Variants in PHF24 observed in about 807,000 individuals in gnomAD.
The protein encoded by PHF24 is Galpha inhibitory interacting protein.
Under a neutral mutation model 42.6 loss-of-function variants are expected in PHF24, and 25 were observed. The observed-to-expected ratio is 0.59, with a 90% CI of 0.43 to 0.82. PHF24 has a LOEUF of 0.82. Among genes scored for constraint, PHF24 ranks in the 40% least tolerant of loss-of-function variants. The probability of loss-of-function intolerance (pLI) is 0.00; values close to 1 mark genes in which losing one functional copy is unlikely to be tolerated. For missense variants in PHF24, 470 were observed against 538.1 expected, an observed-to-expected ratio of 0.87 and a Z score of 1.25; for synonymous variants, 185 against 204.8, an observed-to-expected ratio of 0.90 and a Z score of 0.83.
At chr9:34,687,762 C>T in the PHF24 span, among the ~76,000 whole-genome samples, 2 of 152,210 alleles carry the variant, frequency 1.3e-5, no homozygotes, top group Admixed American at 6.5e-5. Context: ...AGGCAATGTG[C>T]TCCCCTCCCA....
chr9:34,852,373 T>TG, the PHF24 span, among the ~76,000 whole-genome samples: 34 of 152,336 alleles, frequency 2.2e-4, 1 homozygote, highest in South Asian at 3.7e-3. Context: ...ATTGTTCAAA[T>TG]GTCAACTGCA....
the PHF24 span, among the ~76,000 whole-genome samples, chr9:34,800,789 A>C: frequency 6.6e-6 from 1 of 152,250 alleles, no homozygotes; most frequent in Non-Finnish European, 1.5e-5. Flanking sequence ...CACCAAAAGC[A>C]ATTGCAACAA....
chr9:34,911,547 C>T, the PHF24 span, among the ~76,000 whole-genome samples: 5 of 152,318 alleles, frequency 3.3e-5, no homozygotes, highest in Admixed American at 1.3e-4. Flanking sequence ...CCACCGCGCC[C>T]GGCCTATGGG....
chr9:34,750,600 T>C, the PHF24 span, among the ~76,000 whole-genome samples: 3 of 152,094 alleles, frequency 2.0e-5, no homozygotes, highest in African/African-American at 7.2e-5. Flanking sequence ...GCATGTTTAT[T>C]AGTTTATTTA....
At chr9:34,691,049 GC>G in the PHF24 span, 24 of 1,539,874 alleles carry the variant, frequency 1.6e-5, no homozygotes, top group Admixed American at 7.5e-5. Context: ...CCCACTGCCA[GC>G]CCCCCACTGC....
chr9:34,962,840 A>AT (rs1416660665), intron 1 of PHF24, among the ~76,000 whole-genome samples: 1 of 152,246 alleles, frequency 6.6e-6, no homozygotes, highest in Non-Finnish European at 1.5e-5. Context: ...AGCTCATGCC[A>AT]TAATTTTGCT....
At chr9:34,948,300 G>T in the PHF24 span, among the ~76,000 whole-genome samples, 1 of 151,748 alleles carries the variant, frequency 6.6e-6, no homozygotes, top group Non-Finnish European at 1.5e-5. Flanking sequence ...AATTTTTTTT[G>T]AAGAAAGAAA....
the PHF24 span, among the ~76,000 whole-genome samples, chr9:34,935,586 T>G: frequency 9.8e-6 from 1 of 102,266 alleles, no homozygotes; most frequent in African/African-American, 3.8e-5. Context: ...AGAGCGAGAC[T>G]TCATCTGAAA....
the PHF24 span, among the ~76,000 whole-genome samples, chr9:34,676,036 A>G: frequency 6.6e-6 from 1 of 151,984 alleles, no homozygotes; most frequent in Non-Finnish European, 1.5e-5. Flanking sequence ...GTGGTGGGAG[A>G]GGCTATATGT....
the PHF24 span, among the ~76,000 whole-genome samples, chr9:34,935,922 G>A: frequency 3.9e-5 from 6 of 152,132 alleles, no homozygotes; most frequent in African/African-American, 1.4e-4. Flanking sequence ...CAGCCCTACT[G>A]GTAAGGGATA....
chr9:34,862,943 C>G, the PHF24 span, among the ~76,000 whole-genome samples: 1 of 151,788 alleles, frequency 6.6e-6, no homozygotes, highest in Non-Finnish European at 1.5e-5. Context: ...CTAGGCCAGA[C>G]AGCATTCATC....
upstream of PHF24, among the ~76,000 whole-genome samples, chr9:34,955,718 AC>A (rs1826357499): frequency 6.6e-6 from 1 of 152,118 alleles, no homozygotes; most frequent in Non-Finnish European, 1.5e-5. Flanking sequence ...CAACCCTTTC[AC>A]CTTGTCAGAG....
the PHF24 span, among the ~76,000 whole-genome samples, chr9:34,804,258 G>A: frequency 6.6e-6 from 1 of 152,170 alleles, no homozygotes; most frequent in Non-Finnish European, 1.5e-5. Context: ...GAGTTGATGA[G>A]TAAGTTTGAG....
At chr9:34,839,832 G>T in the PHF24 span, among the ~76,000 whole-genome samples, 1 of 152,288 alleles carries the variant, frequency 6.6e-6, no homozygotes, top group African/African-American at 2.4e-5. Flanking sequence ...TATTACTGAG[G>T]TTCAGGTCTC....
the PHF24 span, among the ~76,000 whole-genome samples, chr9:34,873,833 A>G: frequency 6.6e-6 from 1 of 151,410 alleles, no homozygotes; most frequent in Admixed American, 6.6e-5. Flanking sequence ...CTTCCTACCC[A>G]TGAGCATGGA....
At chr9:34,794,232 G>A in the PHF24 span, among the ~76,000 whole-genome samples, 2 of 152,066 alleles carry the variant, frequency 1.3e-5, no homozygotes, top group African/African-American at 2.4e-5. Flanking sequence ...AAGAAAAATC[G>A]GAGTAGCACT....
At chr9:34,971,225 G>T in intron 1 of PHF24, 70 bp from the exon 2 acceptor site, 1 of 1,519,262 alleles carries the variant, frequency 6.6e-7, no homozygotes, top group Non-Finnish European at 8.9e-7. Context: ...TTGCCACTTA[G>T]GTTGAAACTG....
At chr9:34,829,766 G>A in the PHF24 span, among the ~76,000 whole-genome samples, 1,690 of 152,288 alleles carry the variant, frequency 0.011, 22 homozygotes, top group Middle Eastern at 0.017. Context: ...GAACTACAAG[G>A]AGAGTCAGTA....
At chr9:34,879,727 G>A in the PHF24 span, among the ~76,000 whole-genome samples, 4 of 152,196 alleles carry the variant, frequency 2.6e-5, no homozygotes, top group Non-Finnish European at 5.9e-5. Flanking sequence ...TGTCTGACTG[G>A]TGTACCTGAA....
Sources: allele counts gnomAD v4.1 joint callset (sites outside exome capture counted in the v4.1 genomes callset), GRCh38; gene constraint gnomAD v4.1.1; transcripts MANE v1.5; gene names NCBI Gene and HGNC (gene_info 2026-07-23, HGNC 2026-07-21).